Variants in ERBB3 observed in about 807,000 individuals in gnomAD.
ERBB3 encodes the protein erb-b2 receptor tyrosine kinase 3, also known as receptor tyrosine-protein kinase erbB-3.
Under a neutral mutation model 156.7 loss-of-function variants are expected in ERBB3, and 96 were observed. The observed-to-expected ratio is 0.61, with a 90% CI of 0.52 to 0.73. The LOEUF (loss-of-function observed/expected upper bound fraction) is 0.73. Ranked by LOEUF, ERBB3 falls within the 30% of genes least tolerant of loss-of-function variation. The pLI is 0.00. For synonymous variants in ERBB3, 567 were observed against 632.0 expected, an observed-to-expected ratio of 0.90 and a Z score of 1.54; for missense variants, 1,406 against 1,709.4, an observed-to-expected ratio of 0.82 and a Z score of 3.13.
In ERBB3 at chr12:56,097,860, A is replaced by T. The variant is rs764554418; in HGVS notation, c.2536A>T (p.Ser846Cys). 1 of 1,614,008 alleles carries T rather than the reference A, an allele frequency of 6.2e-7. No homozygotes were observed. The highest frequency in any genetic ancestry group is 8.5e-7 in the Non-Finnish European group (1 of 1,180,006). ...AARNVLLKSP[S>C]QVQVADFGVA... ...CCGAAACGTGCTACTCAAGTCACCC[A>T]GTCAGGTTCAGGTGGCAGATTTTGG... is the stretch of plus-strand genomic sequence containing the variant. Residue 846 changes from serine to cysteine, a missense_variant, in exon 21 of 28, where the codon AGT (serine) becomes TGT (cysteine). Physicochemically the swap from Ser to Cys is moderately radical, Grantham distance 112. Coordinates refer to ENST00000267101, the MANE Select transcript of ERBB3 (RefSeq NM_001982.4).
In ERBB3 at chr12:56,101,786, A is replaced by G. The variant is rs1010398438; in HGVS notation, c.3760A>G (p.Thr1254Ala). 11 of 1,613,500 alleles carry G rather than the reference A, an allele frequency of 6.8e-6. No individual in the cohort carries two copies. The African/African-American group carries it at 1.2e-4, about 18-fold the overall frequency. ...TGTACCCATCATGCCCACTGCAGGCACAACTCCAGATGAAGACTATGAATA... is the reference window on the plus strand; with the variant it reads ...TGTACCCATCATGCCCACTGCAGGCGCAACTCCAGATGAAGACTATGAATA... ...HPVPIMPTAGTTPDEDYEYMN... is the reference protein window; with the variant it reads ...HPVPIMPTAGATPDEDYEYMN... The change falls in exon 28 of 28, where the codon ACA (threonine) becomes GCA (alanine). Residue 1254 changes from threonine (T) to alanine (A), a missense_variant. Physicochemically the swap from Thr to Ala is moderately conservative, Grantham distance 58. This residue lies in a region of ERBB3 where 415 missense variants were observed against 454.1 expected (regional missense o/e 0.91). Coordinates refer to ENST00000267101, the MANE Select transcript of ERBB3 (RefSeq NM_001982.4).
rs773773362 is a variant in ERBB3, at chr12:56,101,767, C to T, written c.3741C>T (p.Pro1247=). Reference sequence around the variant, plus strand: ...AGAGTTGCCCACTCCACCCTGTACCCATCATGCCCACTGCAGGCACAACTC... The same window carrying T: ...AGAGTTGCCCACTCCACCCTGTACCTATCATGCCCACTGCAGGCACAACTC... ...STQSCPLHPV[P]IMPTAGTTPD... The change falls in exon 28 of 28, where the codon CCC becomes CCT. Residue 1247 remains proline, a synonymous_variant. Coordinates refer to ENST00000267101, the MANE Select transcript of ERBB3 (RefSeq NM_001982.4). 6.2e-7 allele frequency: 1 copy of T among 1,613,752 alleles called. No homozygotes were observed. The highest frequency in any genetic ancestry group is 2.2e-5 in the East Asian group (1 of 44,878).
rs75064496 is a variant in ERBB3, at chr12:56,101,378, A to C, written c.3502+17A>C. ...ACCTCAAAGGTGCCTGACTCTTCCT[A>C]GGGCTTTCCTCAATTTTTCCTCGAA... On this transcript the variant is annotated intron_variant, in intron 27 of 27. Transcript: ENST00000267101. 23,588 of 1,612,916 alleles carry C rather than the reference A, an allele frequency of 0.015. 3,085 individuals carry two copies. In the African/African-American group the frequency reaches 0.28, roughly 19 times the overall value.
At chr12:56,085,951 C>T (rs1868470138) in intron 3 of ERBB3, among the ~76,000 whole-genome samples, 1 of 150,968 alleles carries the variant, frequency 6.6e-6, no homozygotes, top group African/African-American at 2.4e-5. Flanking sequence ...CGCCTGTAGT[C>T]CGAGCTACTC....
chr12:56,100,002 A>T lies in ERBB3; in HGVS notation c.3102A>T (p.Pro1034=), dbSNP rs768118549. The T allele has an allele frequency of 1.2e-6, 2 of 1,614,256 alleles. No homozygotes were observed. The highest frequency in any genetic ancestry group is 1.1e-5 in the South Asian group (1 of 91,084). ...CACTGGGCTCCGCCCTCAGCCTACCAGTTGGAACACTTAATCGGCCACGTG... is the reference window on the plus strand; with the variant it reads ...CACTGGGCTCCGCCCTCAGCCTACCTGTTGGAACACTTAATCGGCCACGTG... ...TTTLGSALSL[P]VGTLNRPRGS... is the part of the protein sequence containing the mutation. The change falls in exon 25 of 28, where the codon CCA becomes CCT. Residue 1034 remains proline (P), a synonymous_variant. Transcript: ENST00000267101.
intron 14 of ERBB3, 95 bp downstream of exon 14, chr12:56,094,284 G>T: frequency 6.9e-7 from 1 of 1,459,606 alleles, no homozygotes; most frequent in South Asian, 1.1e-5. Context: ...GCACAGAGAG[G>T]CCAGATAATG....
At chr12:56,090,765 C>G (rs1868655370) in intron 9 of ERBB3, among the ~76,000 whole-genome samples, 1 of 152,128 alleles carries the variant, frequency 6.6e-6, no homozygotes, top group Non-Finnish European at 1.5e-5. Flanking sequence ...GGTAAATTTT[C>G]ACACATGGTT....
intron 9 of ERBB3, among the ~76,000 whole-genome samples, chr12:56,092,389 CAAAAAAAAAAA>C (rs60865127): frequency 1.4e-4 from 6 of 42,850 alleles, no homozygotes; most frequent in Admixed American, 3.9e-4. Flanking sequence ...GACTCTGTCT[CAAAAAAAAAAA>C]AAAAAAAAAA....
intron 1 of ERBB3, among the ~76,000 whole-genome samples, chr12:56,082,217 G>A (rs1487816458): frequency 1.3e-5 from 2 of 152,142 alleles, no homozygotes; most frequent in Non-Finnish European, 2.9e-5. Context: ...GTACGTGTTC[G>A]TGTGTACATT....
Position 56,094,444 on chromosome 12 carries a change from C to T in ERBB3, c.1747C>T (p.Pro583Ser). Residue 583 changes from proline (P) to serine (S), a missense_variant, in exon 15 of 28, where the codon CCC becomes TCC. Around this residue, in one of 3 missense-constraint regions of ERBB3, gnomAD observed 979 missense variants for 1,219.6 expected, o/e 0.80. Coordinates refer to ENST00000267101, the MANE Select transcript of ERBB3 (RefSeq NM_001982.4). The stretch of plus-strand genomic sequence containing the variant: ...TCAATGTGCCCATTTTCGAGATGGG[C>T]CCCACTGTGTGAGCAGCTGCCCCCA... ...CAQCAHFRDGPHCVSSCPHGV... is the reference protein window; with the variant it reads ...CAQCAHFRDGSHCVSSCPHGV... 3 of 1,614,060 alleles carry T rather than the reference C, an allele frequency of 1.9e-6. No homozygotes were observed. The highest frequency in any genetic ancestry group is 2.5e-6 in the Non-Finnish European group (3 of 1,179,996).
At chr12:56,085,382 G>A in intron 3 of ERBB3, 2 of 1,449,394 alleles carry the variant, frequency 1.4e-6, no homozygotes, top group Non-Finnish European at 1.8e-6. Flanking sequence ...TCCAGGGAAA[G>A]GAACCCTGTG....
chr12:56,093,968 A>G (rs1868805800), intron 13 of ERBB3, 72 bp downstream of exon 13: 2 of 1,601,450 alleles, frequency 1.2e-6, no homozygotes, highest in Non-Finnish European at 1.7e-6. Context: ...GGTGGCATAC[A>G]ATAAAAGTCT....
At chr12:56,096,676 G>A (rs549891725) in intron 18 of ERBB3, 54 bp downstream of exon 18, 27 of 1,613,782 alleles carry the variant, frequency 1.7e-5, no homozygotes, top group South Asian at 2.2e-5. Context: ...AGGGCAAAGG[G>A]GTGAAAGATT....
Position 56,097,737 on chromosome 12 carries a change from G to A in ERBB3, c.2461-48G>A, listed in dbSNP as rs376662224. ...ATTTGGGGGAATTCCAGATCTCAGTGACTGATTCCCCCAACCTTAAGAATA... is the reference window on the plus strand; with the variant it reads ...ATTTGGGGGAATTCCAGATCTCAGTAACTGATTCCCCCAACCTTAAGAATA... On this transcript the variant is annotated intron_variant, in intron 20 of 27. Transcript: ENST00000267101. 17 of 1,579,674 alleles carry A rather than the reference G, an allele frequency of 1.1e-5. No homozygotes were observed. In the African/African-American group the frequency reaches 2.2e-4, roughly 20 times the overall value.
At position 56,094,182 on chromosome 12, in the gene ERBB3, A is replaced by G. The variant is rs1868816898; in HGVS notation, c.1697A>G (p.Asn566Ser). The G allele has an allele frequency of 1.2e-6, 2 of 1,613,158 alleles. No homozygotes were observed. The highest frequency in any genetic ancestry group is 1.7e-6 in the Non-Finnish European group (2 of 1,179,242). The stretch of plus-strand genomic sequence containing the variant: ...CCCATGGAGGGCACTGCCACATGCA[A>G]TGGCTCGGTATACTAGTAGCACCAG... ...CQPMEGTATC[N>S]GSGSDTCAQC... Residue 566 changes from asparagine to serine, a missense_variant, in exon 14 of 28, where the codon AAT becomes AGT. Asn to Ser is a conservative substitution (Grantham distance 46). Coordinates refer to ENST00000267101, the MANE Select transcript of ERBB3 (RefSeq NM_001982.4).
intron 3 of ERBB3, 34 bp downstream of exon 3, chr12:56,085,215 C>T (rs755994398): frequency 6.2e-7 from 1 of 1,614,154 alleles, no homozygotes; most frequent in Non-Finnish European, 8.5e-7. Context: ...GGCCTCACCC[C>T]TCAGCCAGCC....
At chr12:56,099,108 G>A (rs1362077526) in intron 23 of ERBB3, 20 of 594,548 alleles carry the variant, frequency 3.4e-5, no homozygotes, top group Admixed American at 5.9e-5. Context: ...ACAGGCGCCC[G>A]CCACACCTGG....
intron 18 of ERBB3, 34 bp downstream of exon 18, chr12:56,096,656 G>T (rs1407239914): frequency 6.2e-7 from 1 of 1,614,202 alleles, no homozygotes. Flanking sequence ...GAGAGGTGGG[G>T]AAGGCATCTA....
intron 15 of ERBB3, 46 bp from the exon 16 acceptor site, chr12:56,095,211 C>G: frequency 7.0e-7 from 1 of 1,424,472 alleles, no homozygotes. Context: ...GAAATTGAGC[C>G]TCTGCTGTCC....
Sources: gnomAD v4.1 joint callset for allele counts (sites outside exome capture counted in the v4.1 genomes callset) on GRCh38, gnomAD v4.1.1 for gene constraint, gnomAD v4.1.1 regional missense constraint, MANE v1.5 for transcripts, NCBI Gene and HGNC (gene_info 2026-07-23, HGNC 2026-07-21) for gene names.